The following LRP5 variants were observed in gnomAD, a reference collection of about 807,000 sequenced individuals.
LRP5 encodes the protein LDL receptor related protein 5, also known as low-density lipoprotein receptor-related protein 5.
LRP5 carries 62 observed loss-of-function variants against 154.1 expected under a neutral mutation model. The ratio of observed to expected loss-of-function variants is 0.40; its 90% CI spans 0.33 to 0.50. The LOEUF is 0.50. LRP5 is among the 20% of genes least tolerant of loss of function. LRP5 has a pLI of 0.55. For missense variants in LRP5, 1,915 were observed against 2,336.7 expected, an observed-to-expected ratio of 0.82 and a Z score of 3.72; for synonymous variants, 966 against 1,011.5, an observed-to-expected ratio of 0.96 and a Z score of 0.85.
intron 19 of LRP5, among the ~76,000 whole-genome samples, chr11:68,437,377 A>G (rs2098675629): frequency 1.3e-5 from 2 of 152,222 alleles, no homozygotes; most frequent in African/African-American, 2.4e-5. Flanking sequence ...ATGTTCACAT[A>G]TGCACACATG....
intron 7 of LRP5, among the ~76,000 whole-genome samples, chr11:68,394,521 A>G (rs1245298532): frequency 6.6e-6 from 1 of 150,654 alleles, no homozygotes; most frequent in Admixed American, 6.6e-5. Context: ...TCTGGAGTGC[A>G]GTGGCACGAT....
intron 5 of LRP5, among the ~76,000 whole-genome samples, chr11:68,375,364 G>A (rs1037433780): frequency 6.6e-6 from 1 of 152,196 alleles, no homozygotes; most frequent in African/African-American, 2.4e-5. Context: ...CCCCCACTCT[G>A]TTTTTCTACC....
intron 5 of LRP5, among the ~76,000 whole-genome samples, 158 bp downstream of exon 5, chr11:68,365,860 G>A (rs1296615575): frequency 2.6e-5 from 4 of 152,198 alleles, no homozygotes; most frequent in African/African-American, 4.8e-5. Context: ...CCAGCTACTC[G>A]GGAAGCTGAG....
intron 6 of LRP5, among the ~76,000 whole-genome samples, chr11:68,387,315 G>A (rs753553963): frequency 2.0e-5 from 3 of 152,010 alleles, no homozygotes; most frequent in South Asian, 2.1e-4. Context: ...GGGTTTCACC[G>A]TCTTGGCCAG....
chr11:68,396,004 G>T (rs1052320476), intron 7 of LRP5, among the ~76,000 whole-genome samples: 6 of 152,106 alleles, frequency 3.9e-5, no homozygotes, highest in African/African-American at 1.4e-4. Flanking sequence ...TCACATGAGG[G>T]TCTTGGGCCT....
chr11:68,403,008 G>C (rs2098653478), intron 7 of LRP5, among the ~76,000 whole-genome samples: 1 of 152,226 alleles, frequency 6.6e-6, no homozygotes, highest in Non-Finnish European at 1.5e-5. Flanking sequence ...CACTTTGGGA[G>C]GCTGAGGAGG....
At chr11:68,420,705 C>CA (rs757093353) in intron 13 of LRP5, among the ~76,000 whole-genome samples, 6,128 of 135,076 alleles carry the variant, frequency 0.045, 202 homozygotes, top group African/African-American at 0.1. Context: ...CTTCCTGTCT[C>CA]AAAAAAAAAA....
At chr11:68,428,367 G>T (rs1341738381) in intron 16 of LRP5, among the ~76,000 whole-genome samples, 1 of 152,076 alleles carries the variant, frequency 6.6e-6, no homozygotes, top group Non-Finnish European at 1.5e-5. Context: ...AAACTGGATG[G>T]CTTAAAGCAA....
chr11:68,444,107 A>G (rs536864649), intron 21 of LRP5, among the ~76,000 whole-genome samples: 2 of 152,304 alleles, frequency 1.3e-5, no homozygotes, highest in South Asian at 2.1e-4. Flanking sequence ...GTCGGGGTCT[A>G]TCAGGAGGCA....
chr11:68,318,462 G>A (rs186092600), intron 1 of LRP5, among the ~76,000 whole-genome samples: 21 of 151,026 alleles, frequency 1.4e-4, no homozygotes, highest in African/African-American at 3.9e-4. Flanking sequence ...ACCTCAGCCC[G>A]CAAGTAGTTG....
At chr11:68,319,010 G>A (rs902193839) in intron 1 of LRP5, among the ~76,000 whole-genome samples, 9 of 152,108 alleles carry the variant, frequency 5.9e-5, no homozygotes, top group African/African-American at 2.2e-4. Context: ...TAGAGATTGG[G>A]GGTGCCCCCA....
At chr11:68,419,432 G>T (rs770231849) in intron 13 of LRP5, among the ~76,000 whole-genome samples, 1 of 151,346 alleles carries the variant, frequency 6.6e-6, no homozygotes, top group African/African-American at 2.4e-5. Flanking sequence ...GTAGAGACCC[G>T]CTATGTTGCC....
intron 1 of LRP5, among the ~76,000 whole-genome samples, chr11:68,321,909 C>T (rs533774111): frequency 6.6e-4 from 101 of 152,290 alleles, no homozygotes; most frequent in Non-Finnish European, 1.2e-3. Flanking sequence ...CTGGAACACA[C>T]CAGCCTGGGT....
intron 1 of LRP5, among the ~76,000 whole-genome samples, chr11:68,339,759 T>C (rs917107897): frequency 1.3e-5 from 2 of 152,242 alleles, no homozygotes; most frequent in African/African-American, 2.4e-5. Flanking sequence ...TTGAGCTGTT[T>C]CCATGTTTTG....
chr11:68,411,506 A>G lies in LRP5; in HGVS notation c.2389A>G (p.Met797Val), dbSNP rs775727748. Residue 797 changes from methionine (M) to valine (V), a missense_variant, in exon 11 of 23, where the codon ATG becomes GTG. Met to Val is a conservative substitution (Grantham distance 21, BLOSUM62 1). This residue lies in a region of LRP5 where 1,094 missense variants were observed against 1,210.1 expected (regional missense o/e 0.90). Coordinates refer to ENST00000294304, the MANE Select transcript of LRP5 (RefSeq NM_002335.4). ...VRAFMDGTNC[M>V]TLVDKVGRAN... ...GGCCTTCATGGACGGGACCAACTGC[A>G]TGACGCTGGTGGACAAGGTGGGCCG... is the stretch of plus-strand genomic sequence containing the variant. 9 of 1,613,746 alleles carry G rather than the reference A, an allele frequency of 5.6e-6. No individual in the cohort carries two copies. In the Admixed American group the frequency reaches 1.2e-4, roughly 21 times the overall value.
chr11:68,308,258 G>C (rs1201850143), upstream of LRP5, among the ~76,000 whole-genome samples: 8 of 152,330 alleles, frequency 5.3e-5, no homozygotes, highest in African/African-American at 1.7e-4. Context: ...GCCGGGTTGG[G>C]GGGGGCTCTT....
chr11:68,380,500 G>A (rs997082188), intron 5 of LRP5, among the ~76,000 whole-genome samples: 4 of 152,228 alleles, frequency 2.6e-5, no homozygotes, highest in Admixed American at 2.6e-4. Context: ...AGGAAGGATA[G>A]GACCCGTCCG....
chr11:68,443,566 TATATATATATATATATA>T (rs1565122040), intron 21 of LRP5, among the ~76,000 whole-genome samples: 7 of 41,048 alleles, frequency 1.7e-4, no homozygotes, highest in African/African-American at 8.4e-4. Context: ...TATATATATA[TATATATATATATATATA>T]TATTTTTTTT....
chr11:68,439,970 CA>C (rs1240619983), intron 21 of LRP5, 54 bp downstream of exon 21: 1 of 1,438,566 alleles, frequency 7.0e-7, no homozygotes, highest in East Asian at 2.5e-5. Flanking sequence ...GGGCCCCTCC[CA>C]CCGTCAGTGC....
Sources: allele counts gnomAD v4.1 joint callset (sites outside exome capture counted in the v4.1 genomes callset), GRCh38; gene constraint gnomAD v4.1.1; regional missense constraint gnomAD v4.1.1; transcripts MANE v1.5; gene names NCBI Gene and HGNC (gene_info 2026-07-23, HGNC 2026-07-21).